CDC14A: variants seen among roughly 807,000 people sequenced by gnomAD.
CDC14A encodes cell division cycle 14A.
A neutral mutation model predicts 74.4 loss-of-function variants in CDC14A; 53 were observed. That is an observed-to-expected ratio of 0.71 (90% CI 0.57 to 0.89). The LOEUF (loss-of-function observed/expected upper bound fraction) is 0.89, where lower values mean the gene tolerates loss of function less well. Among genes scored for constraint, CDC14A ranks in the 40% least tolerant of loss-of-function variants. The pLI is 0.00. For synonymous variants in CDC14A, 247 were observed against 258.4 expected, an observed-to-expected ratio of 0.96 and a Z score of 0.43; for missense variants, 646 against 713.7, an observed-to-expected ratio of 0.91 and a Z score of 1.08.
intron 4 of CDC14A, among the ~76,000 whole-genome samples, chr1:100,412,039 A>G (rs1388478455): frequency 6.6e-6 from 1 of 152,236 alleles, no homozygotes; most frequent in Non-Finnish European, 1.5e-5. Flanking sequence ...GTGGCTAAAA[A>G]GGCTATAATG....
At chr1:100,406,466 C>T (rs979596727) in intron 4 of CDC14A, among the ~76,000 whole-genome samples, 1 of 152,062 alleles carries the variant, frequency 6.6e-6, no homozygotes, top group African/African-American at 2.4e-5. Context: ...CTGCCTATGT[C>T]CTGAATGGTA....
In CDC14A at chr1:100,352,516, G is replaced by C. The variant is rs879040234; in HGVS notation, c.-439G>C. 4.8e-6 allele frequency: 5 copies of C among 1,032,080 alleles called. No individual in the cohort carries two copies. The South Asian group carries it at 1.7e-4, about 36-fold the overall frequency. The allele number at this position is 1,032,080 out of a possible 1,614,324, so 63.9% of individuals were successfully genotyped here. A position where few individuals can be genotyped will look rare whatever the true frequency, so the allele number is the denominator to read the frequency against. ...CGAAGGAGGATCCGGAGCAGCTGCTGCCAGCCCGCGGGCACTGAAGTCCTC... is the reference window on the plus strand; with the variant it reads ...CGAAGGAGGATCCGGAGCAGCTGCTCCCAGCCCGCGGGCACTGAAGTCCTC... On this transcript the variant is annotated 5_prime_UTR_variant, in exon 1 of 16. Transcript: ENST00000336454.
chr1:100,510,789 C>T (rs1169913020), intron 15 of CDC14A, among the ~76,000 whole-genome samples: 3 of 152,154 alleles, frequency 2.0e-5, no homozygotes, highest in East Asian at 1.9e-4. Context: ...CTAATTTACC[C>T]GGCCCTTCAG....
At position 100,439,937 on chromosome 1, in the gene CDC14A, C is replaced by G. The variant is rs2101124205; in HGVS notation, c.395C>G (p.Ala132Gly). 2 of 1,610,216 alleles carry G rather than the reference C, an allele frequency of 1.2e-6. No individual in the cohort carries two copies. The highest frequency in any genetic ancestry group is 1.7e-6 in the Non-Finnish European group (2 of 1,176,624). ...GAGTTTATTTATGTTTATAGGGATG[C>G]TTCCTTTGGAAATTGCACTTACAAT... ...SNPPYLPFRD[A>G]SFGNCTYNLT... is the part of the protein sequence containing the mutation. The change falls in exon 6 of 16, where the codon GCT becomes GGT. Residue 132 changes from alanine (A) to glycine (G), a missense_variant. Ala to Gly is a moderately conservative substitution (Grantham distance 60). Coordinates refer to ENST00000336454, the MANE Select transcript of CDC14A (RefSeq NM_003672.4).
At chr1:100,424,395 TAACC>T in intron 5 of CDC14A, 94 bp downstream of exon 5, 1 of 852,014 alleles carries the variant, frequency 1.2e-6, no homozygotes, top group Non-Finnish European at 2.0e-6. Flanking sequence ...CTTAAGATAA[TAACC>T]ATTATGTTAT....
intron 3 of CDC14A, among the ~76,000 whole-genome samples, chr1:100,388,588 C>T (rs978485197): frequency 6.6e-5 from 10 of 152,108 alleles, no homozygotes; most frequent in Non-Finnish European, 1.2e-4. Context: ...GAGTCAAATA[C>T]TAATTTTTTT....
chr1:100,376,304 T>C (rs1469752789), intron 2 of CDC14A, among the ~76,000 whole-genome samples: 1 of 152,122 alleles, frequency 6.6e-6, no homozygotes, highest in East Asian at 1.9e-4. Context: ...AGTATATATA[T>C]ATATATAAAG....
chr1:100,481,687 G>C (rs567779603), intron 10 of CDC14A, among the ~76,000 whole-genome samples: 2 of 152,260 alleles, frequency 1.3e-5, no homozygotes, highest in East Asian at 3.9e-4. Context: ...ACTTCTTAAG[G>C]CTCTATTCAA....
At chr1:100,518,159 G>A (rs1286102909) in intron 15 of CDC14A, 92 bp from the exon 16 acceptor site, 6 of 909,496 alleles carry the variant, frequency 6.6e-6, no homozygotes, top group Admixed American at 1.8e-5. Flanking sequence ...TGATCTCTAA[G>A]CTGTCTTGTG....
rs1571348046 is a variant in CDC14A at position 100,498,933 on chromosome 1, T to C, written c.1426T>C (p.Ser476Pro). 1 of 1,608,458 alleles carries C rather than the reference T, an allele frequency of 6.2e-7. No homozygotes were observed. ...TCACTTGTGTTTTCCATTCAGCTTT[T>C]CCATAAACTCCCGGCTAGCCAGTTC... ...LSSGATVRSF[S>P]INSRLASSLG... Residue 476 changes from serine (S) to proline (P), a missense_variant, in exon 15 of 16, where the codon TCC (serine) becomes CCC (proline). Transcript: ENST00000336454.
intron 10 of CDC14A, among the ~76,000 whole-genome samples, chr1:100,468,394 C>T (rs774747560): frequency 6.6e-6 from 1 of 152,100 alleles, no homozygotes; most frequent in Non-Finnish European, 1.5e-5. Context: ...TGACATCCCA[C>T]TTGGCACTTT....
In CDC14A at chr1:100,498,956, T is replaced by C. The variant is rs763565926; in HGVS notation, c.1449T>C (p.Ser483=). 2 of 1,613,366 alleles carry C rather than the reference T, an allele frequency of 1.2e-6. No individual in the cohort carries two copies. The highest frequency in any genetic ancestry group is 2.7e-5 in the African/African-American group (2 of 74,966). The change falls in exon 15 of 16, where the codon AGT becomes AGC. Residue 483 remains serine (S), a synonymous_variant. Transcript: ENST00000336454. ...TTTCCATAAACTCCCGGCTAGCCAG[T>C]TCTCTAGGGAACTTGAATGCTGCAA... ...RSFSINSRLA[S]SLGNLNAATD... is the part of the protein sequence containing the mutation.
chr1:100,459,699 C>T (rs1667129302), intron 8 of CDC14A, among the ~76,000 whole-genome samples: 1 of 152,076 alleles, frequency 6.6e-6, no homozygotes, highest in African/African-American at 2.4e-5. Context: ...TCAGTGATGC[C>T]AGCGCACCAT....
chr1:100,484,334 C>A lies in CDC14A; in HGVS notation c.1020C>A (p.Ser340=). 1 of 1,600,968 alleles carries A rather than the reference C, an allele frequency of 6.2e-7. No homozygotes were observed. Among genetic ancestry groups the A allele is most frequent in the Non-Finnish European group, 8.5e-7 (1 of 1,173,862 alleles). ...GGGTCCAAGGAGACATTTTCCGATC[C>A]AAACTGAAAAATCGACCATCCAGTG... The part of the protein sequence containing the change: ...SLWVQGDIFR[S]KLKNRPSSEG... The change falls in exon 11 of 16, where the codon TCC becomes TCA. Residue 340 remains serine, a synonymous_variant. Transcript: ENST00000336454.
chr1:100,433,291 T>C (rs1203485689), intron 5 of CDC14A, among the ~76,000 whole-genome samples: 1 of 152,180 alleles, frequency 6.6e-6, no homozygotes, highest in Non-Finnish European at 1.5e-5. Context: ...TTTAGCAACA[T>C]CTATAACATA....
intron 10 of CDC14A, among the ~76,000 whole-genome samples, chr1:100,476,219 G>A (rs775200416): frequency 3.3e-5 from 5 of 152,140 alleles, no homozygotes; most frequent in African/African-American, 1.2e-4. Context: ...TTAGGAGGCC[G>A]AGGCGGGCAG....
chr1:100,428,163 G>A (rs1464499930), intron 5 of CDC14A, among the ~76,000 whole-genome samples: 2 of 152,144 alleles, frequency 1.3e-5, no homozygotes, highest in Non-Finnish European at 2.9e-5. Flanking sequence ...CGAGAATTGT[G>A]TAGCTTTAAC....
chr1:100,498,885 A>G lies in CDC14A; in HGVS notation c.1422-44A>G, dbSNP rs749886160. ...AAACGTGAGCTCTGTGTGATTGTAC[A>G]TTGTTGTCTGTTTTTTCCCTCCTCA... On this transcript the variant is annotated intron_variant, in intron 14 of 15. Transcript: ENST00000336454. 2.0e-5 allele frequency: 31 copies of G among 1,573,188 alleles called. No individual in the cohort carries two copies. In the South Asian group the frequency reaches 2.2e-4, roughly 11 times the overall value.
rs1310115398 is a variant in CDC14A at position 100,466,884 on chromosome 1, A to AT, written c.839-1072_839-1071insT. Among the ~76,000 whole-genome samples, 559 of 151,082 alleles carry AT rather than the reference A, an allele frequency of 3.7e-3. 2 individuals are homozygous for AT. The highest frequency in any genetic ancestry group is 0.013 in the African/African-American group (535 of 40,676). ...AAACTCGGTCTCCAAAAAAAAAAAAAAAAAAAGAAGGGTTAATGGGAAGGA... is the reference window on the plus strand; with the variant it reads ...AAACTCGGTCTCCAAAAAAAAAAAAATAAAAAAGAAGGGTTAATGGGAAGGA... On this transcript the variant is annotated intron_variant, in intron 9 of 15. Transcript: ENST00000336454.
Sources: gnomAD v4.1 joint callset for allele counts (sites outside exome capture counted in the v4.1 genomes callset) on GRCh38, gnomAD v4.1.1 for gene constraint, MANE v1.5 for transcripts, NCBI Gene and HGNC (gene_info 2026-07-23, HGNC 2026-07-21) for gene names.